PXMP2: variants seen among roughly 807,000 people sequenced by gnomAD.
The protein encoded by PXMP2 is peroxisomal membrane protein 2, also known as 22 kDa peroxisomal membrane protein.
In PXMP2, 13 loss-of-function variants were observed where a neutral mutation model predicts 20.2. The observed-to-expected ratio is 0.64, with a 90% CI of 0.42 to 1.02. The LOEUF (loss-of-function observed/expected upper bound fraction) is 1.02. Among genes scored for constraint, PXMP2 ranks in the 50% least tolerant of loss-of-function variants. The probability of loss-of-function intolerance (pLI) is 0.00; values close to 1 mark genes in which losing one functional copy is unlikely to be tolerated. For synonymous variants in PXMP2, 113 were observed against 111.2 expected, an observed-to-expected ratio of 1.02 and a Z score of -0.10; for missense variants, 284 against 251.8, an observed-to-expected ratio of 1.13 and a Z score of -0.87.
At chr12:132,701,445 T>A in intron 4 of PXMP2, 76 bp downstream of exon 4, 1 of 1,525,598 alleles carries the variant, frequency 6.6e-7, no homozygotes, top group East Asian at 2.3e-5. Context: ...TCCTCTTTCC[T>A]CCCCCCCTCC....
chr12:132,693,431 TGCCAGTTAGTTAGTGAGCTCCCTTA>T (rs2043385136), intron 2 of PXMP2, among the ~76,000 whole-genome samples: 3 of 39,134 alleles, frequency 7.7e-5, no homozygotes, highest in African/African-American at 1.8e-4. Flanking sequence ...TGAGCTCCCT[TGCCAGTTAGTTAGTGAGCTCCCTTA>T]GCCAGTTAGT....
Position 132,687,765 on chromosome 12 carries a change from A to G in PXMP2, c.95A>G (p.Tyr32Cys). 1 of 1,195,580 alleles carries G rather than the reference A, an allele frequency of 8.4e-7. No individual in the cohort carries two copies. The highest frequency in any genetic ancestry group is 1.0e-6 in the Non-Finnish European group (1 of 965,100). 74.1% of individuals were successfully genotyped at this position (1,195,580 alleles called of 1,614,324 possible). ...CAGTACCTGCTCTTCCTGCGGCTCT[A>G]CCCGGTGCTCACCAAGGCGGCCACC... ...LAQYLLFLRL[Y>C]PVLTKAATSG... Residue 32 changes from tyrosine (Y) to cysteine (C), a missense_variant, in exon 1 of 5, where the codon TAC becomes TGC. Transcript: ENST00000317479.
In PXMP2 at chr12:132,695,925, T is replaced by A; in HGVS notation, c.278T>A (p.Phe93Tyr). ...TGPLSHFFYF[F>Y]MEHWIPPEVP... is the part of the protein sequence containing the mutation. ...CCGCTGAGTCACTTCTTCTACTTCT[T>A]CATGGAACATTGGATCCCTCCTGAG... The change falls in exon 3 of 5, where the codon TTC becomes TAC. Residue 93 changes from phenylalanine to tyrosine, a missense_variant. Phe to Tyr is a conservative substitution (Grantham distance 22). Coordinates refer to ENST00000317479, the MANE Select transcript of PXMP2 (RefSeq NM_018663.3). 7 of 1,610,748 alleles carry A rather than the reference T, an allele frequency of 4.3e-6. No homozygotes were observed. The highest frequency in any genetic ancestry group is 4.2e-6 in the Non-Finnish European group (5 of 1,178,528).
At position 132,690,368 on chromosome 12, in the gene PXMP2, C is replaced by T. The variant is rs367671261; in HGVS notation, c.228C>T (p.Ala76=). The T allele has an allele frequency of 2.2e-5, 36 of 1,611,226 alleles. No individual in the cohort carries two copies. Among genetic ancestry groups the T allele is most frequent in the Middle Eastern group, 3.3e-4 (2 of 6,076 alleles). The change falls in exon 2 of 5, where the codon GCC becomes GCT. Residue 76 remains alanine, a synonymous_variant. Transcript: ENST00000317479. ...SLDVGGPLRY[A]VYGFFFTGPL... ...ATGTCGGTGGGCCTCTGAGATATGC[C>T]GTTTACGGGTGAGTGCCATACAAGG...
At chr12:132,692,278 CAGTT>C (rs201386740) in intron 2 of PXMP2, among the ~76,000 whole-genome samples, 10 of 143,114 alleles carry the variant, frequency 7.0e-5, no homozygotes, top group South Asian at 2.3e-4. Context: ...CTCCCTTAGC[CAGTT>C]AGTTAGTGAG....
At chr12:132,688,333 G>A (rs1404560064) in intron 1 of PXMP2, among the ~76,000 whole-genome samples, 1 of 127,966 alleles carries the variant, frequency 7.8e-6, no homozygotes, top group Non-Finnish European at 1.7e-5. Context: ...TGAAGACAGG[G>A]CCAGGGGAGC....
intron 2 of PXMP2, among the ~76,000 whole-genome samples, chr12:132,694,103 G>T (rs77117542): frequency 0.052 from 2,483 of 47,836 alleles, 179 homozygotes; most frequent in Non-Finnish European, 0.075. Flanking sequence ...GCCAGTTAGT[G>T]AGCGCCCTTG....
At chr12:132,694,001 G>C (rs1356781040) in intron 2 of PXMP2, among the ~76,000 whole-genome samples, 1 of 109,908 alleles carries the variant, frequency 9.1e-6, no homozygotes, top group African/African-American at 3.2e-5. Flanking sequence ...TTGCCAGTTA[G>C]TTAGTGAGCT....
chr12:132,689,186 A>C lies in PXMP2; in HGVS notation c.123-1077A>C, dbSNP rs2043348342. Among the ~76,000 whole-genome samples the C allele has an allele frequency of 2.2e-5, 3 of 133,836 alleles. No homozygotes were observed. In the South Asian group the frequency reaches 7.6e-4, roughly 34 times the overall value. 87.8% of individuals were successfully genotyped at this position (133,836 alleles called of 152,430 possible). ...GCGGGTCTGCGGGGCACGGGTAAAG[A>C]CAGGGCCAAGGGAGCGGGTCTGCGT... On this transcript the variant is annotated intron_variant, in intron 1 of 4. Transcript: ENST00000317479.
At chr12:132,697,161 T>C (rs1449602364) in intron 3 of PXMP2, among the ~76,000 whole-genome samples, 2 of 151,880 alleles carry the variant, frequency 1.3e-5, no homozygotes, top group African/African-American at 4.8e-5. Context: ...GATGTGCACC[T>C]GTAGTTCCAG....
intron 3 of PXMP2, among the ~76,000 whole-genome samples, chr12:132,698,978 ATT>A (rs2043424586): frequency 6.6e-6 from 1 of 152,114 alleles, no homozygotes; most frequent in Non-Finnish European, 1.5e-5. Context: ...GTTTGTATAT[ATT>A]TAGAGGGTAC....
rs984884395 is a variant in PXMP2 at position 132,701,260 on chromosome 12, C to T, written c.410C>T (p.Ala137Val). The T allele has an allele frequency of 6.2e-7, 1 of 1,613,642 alleles. No homozygotes were observed. The highest frequency in any genetic ancestry group is 8.5e-7 in the Non-Finnish European group (1 of 1,179,952). Residue 137 changes from alanine (A) to valine (V), a missense_variant, in exon 4 of 5, where the codon GCC (alanine) becomes GTC (valine). Transcript: ENST00000317479. ...LIMNFLEGKD[A>V]SAFAAKMRGG... is the part of the protein sequence containing the mutation. The stretch of plus-strand genomic sequence containing the variant: ...TTCCCTCCTTTGCAGGGGAAAGACG[C>T]CTCAGCCTTCGCCGCCAAGATGAGG...
intron 4 of PXMP2, among the ~76,000 whole-genome samples, chr12:132,702,949 C>T (rs1218429782): frequency 1.3e-5 from 2 of 152,176 alleles, no homozygotes; most frequent in African/African-American, 4.8e-5. Flanking sequence ...CAGGGGTGCA[C>T]ACAGACAGGA....
At chr12:132,702,438 C>T (rs1276783857) in intron 4 of PXMP2, 1 of 373,762 alleles carries the variant, frequency 2.7e-6, no homozygotes. Context: ...GCCAGGGTCC[C>T]CAGGACCACT....
Position 132,697,538 on chromosome 12 carries a change from G to C in PXMP2, c.399+1492G>C, listed in dbSNP as rs7307044. On this transcript the variant is annotated intron_variant, in intron 3 of 4. Transcript: ENST00000317479. ...TTCTCCTGCCTCAGCCTCCTGAGTA[G>C]CTGGGATTACAGGAGCCCGCTACCA... 2.2e-3 allele frequency among the ~76,000 whole-genome samples: 327 copies of C among 151,854 alleles called. 2 individuals carry two copies. The highest frequency in any genetic ancestry group is 7.6e-3 in the African/African-American group (316 of 41,462).
intron 3 of PXMP2, among the ~76,000 whole-genome samples, chr12:132,697,642 G>A (rs866841186): frequency 1.6e-4 from 24 of 152,008 alleles, no homozygotes; most frequent in African/African-American, 4.8e-4. Flanking sequence ...TCCTGACCTC[G>A]TGATCCGCCT....
At chr12:132,703,691 G>C (rs1208531851) in intron 4 of PXMP2, among the ~76,000 whole-genome samples, 1 of 152,128 alleles carries the variant, frequency 6.6e-6, no homozygotes, top group East Asian at 1.9e-4. Context: ...GGATGGGAGA[G>C]CATGCTGACT....
intron 4 of PXMP2, chr12:132,701,650 C>A: frequency 2.4e-6 from 1 of 419,998 alleles, no homozygotes; most frequent in South Asian, 2.7e-5. Flanking sequence ...TCAGCAAATT[C>A]TCATTAAAAG....
intron 3 of PXMP2, among the ~76,000 whole-genome samples, chr12:132,700,388 G>A (rs1266274744): frequency 6.6e-6 from 1 of 151,976 alleles, no homozygotes; most frequent in African/African-American, 2.4e-5. Context: ...CGCGTGAGGT[G>A]GTATCTCCTT....
Sources: allele counts gnomAD v4.1 joint callset (sites outside exome capture counted in the v4.1 genomes callset), GRCh38; gene constraint gnomAD v4.1.1; transcripts MANE v1.5; gene names NCBI Gene and HGNC (gene_info 2026-07-23, HGNC 2026-07-21).